Variants in GRIN2B observed in about 807,000 individuals in gnomAD.
GRIN2B encodes glutamate receptor ionotropic, NMDA 2B.
In GRIN2B, 5 loss-of-function variants were observed where a neutral mutation model predicts 114.5. The observed-to-expected ratio is 0.04, with a 90% confidence interval of 0.02 to 0.09. GRIN2B has a LOEUF of 0.09. GRIN2B is among the 10% of genes least tolerant of loss of function. The pLI, the probability that GRIN2B is intolerant of heterozygous loss-of-function variation, is 1.00. For synonymous variants in GRIN2B, 787 were observed against 745.1 expected (o/e 1.06, Z -0.92); for missense variants, 1,108 against 1,943.5 (o/e 0.57, Z 8.08).
At chr12:13,735,404 T>C (rs7136868) in intron 4 of GRIN2B, among the ~76,000 whole-genome samples, 1 of 152,188 alleles carries the variant, frequency 6.6e-6, no homozygotes, top group Non-Finnish European at 1.5e-5. Flanking sequence ...TTGAAATTGA[T>C]GTCTGGTCAA....
At chr12:13,582,427 C>T (rs7968084) in intron 10 of GRIN2B, among the ~76,000 whole-genome samples, 151,291 of 152,320 alleles carry the variant, frequency 0.99, 75,141 homozygotes, top group Middle Eastern at 1. Context: ...ATGAATCTGA[C>T]GACATTTTGC....
rs746234097 is a variant in GRIN2B at position 13,608,880 on chromosome 12, T to A, written c.1781-48A>T. The stretch of plus-strand genomic sequence containing the variant: ...ACGAAAGTTAAGCCATTGTGGCTGG[T>A]TCTGTTGAAACCTACAAATACACAG... On this transcript the variant is annotated intron_variant, in intron 9 of 13. Transcript: ENST00000609686. 2.5e-5 allele frequency: 35 copies of A among 1,396,226 alleles called. No individual in the cohort carries two copies. The East Asian group carries it at 8.0e-4, about 32-fold the overall frequency. 86.5% of individuals were successfully genotyped at this position (1,396,226 alleles called of 1,614,324 possible).
intron 3 of GRIN2B, among the ~76,000 whole-genome samples, chr12:13,859,023 G>A (rs1296421315): frequency 2.0e-5 from 3 of 152,202 alleles, no homozygotes; most frequent in African/African-American, 7.2e-5. Flanking sequence ...GAGAATGCAA[G>A]ATGGCATATA....
chr12:13,779,129 C>T (rs1468888542), intron 3 of GRIN2B, among the ~76,000 whole-genome samples: 4 of 152,154 alleles, frequency 2.6e-5, no homozygotes, highest in Non-Finnish European at 4.4e-5. Flanking sequence ...CTGCAACCTC[C>T]GCCTCCTGGC....
chr12:13,971,761 C>T (rs982195430), intron 2 of GRIN2B, among the ~76,000 whole-genome samples: 1 of 152,162 alleles, frequency 6.6e-6, no homozygotes, highest in Non-Finnish European at 1.5e-5. Flanking sequence ...AAACCAAGAA[C>T]TGCTCGCCCT....
chr12:13,916,519 T>C (rs964481060), intron 2 of GRIN2B, among the ~76,000 whole-genome samples: 1 of 151,848 alleles, frequency 6.6e-6, no homozygotes. Context: ...TAAGAAAAAG[T>C]TGGGAATGGA....
chr12:13,907,589 G>T (rs1216183975), intron 2 of GRIN2B, among the ~76,000 whole-genome samples: 6 of 151,982 alleles, frequency 3.9e-5, no homozygotes, highest in Non-Finnish European at 8.8e-5. Context: ...ATCTCAGGTT[G>T]ACAGAAGTCT....
chr12:13,836,059 T>G (rs989795133), intron 3 of GRIN2B, among the ~76,000 whole-genome samples: 2 of 152,244 alleles, frequency 1.3e-5, no homozygotes, highest in Non-Finnish European at 2.9e-5. Flanking sequence ...AGTCCTGAAC[T>G]GGATCTTTTC....
chr12:13,611,884 G>C (rs201967711), intron 8 of GRIN2B, 34 bp from the exon 9 acceptor site: 1 of 1,608,182 alleles, frequency 6.2e-7, no homozygotes, highest in Non-Finnish European at 8.5e-7. Flanking sequence ...CTCAGGGTTA[G>C]AACAGAGAGC....
In GRIN2B at chr12:13,562,809, G is replaced by C. The variant is rs1388986519; in HGVS notation, c.4429C>G (p.Leu1477Val). Residue 1477 changes from leucine to valine, a missense_variant, in exon 14 of 14, where the codon CTT becomes GTT. By Grantham distance (32) the Leu-to-Val change is conservative. Around this residue, in one of 19 missense-constraint regions of GRIN2B, gnomAD observed 478 missense variants for 506.0 expected, o/e 0.94. Transcript: ENST00000609686. ...CAGACATCAGACTCAATACTAGAAA[G>C]TTTCTCATAAACATGCCCATTGCTG... ...GSSNGHVYEKLSSIESDV is the reference protein window; with the variant it reads ...GSSNGHVYEKVSSIESDV 4 of 1,613,992 alleles carry C rather than the reference G, an allele frequency of 2.5e-6. No individual in the cohort carries two copies. Among genetic ancestry groups the C allele is most frequent in the Non-Finnish European group, 3.4e-6 (4 of 1,179,976 alleles).
intron 4 of GRIN2B, among the ~76,000 whole-genome samples, chr12:13,729,659 A>G (rs1476679064): frequency 1.3e-5 from 2 of 152,160 alleles, no homozygotes; most frequent in African/African-American, 4.8e-5. Flanking sequence ...GAGAACTTCC[A>G]GAAAAGAAAT....
At chr12:13,566,415 G>T (rs149258643) in intron 13 of GRIN2B, among the ~76,000 whole-genome samples, 1 of 152,128 alleles carries the variant, frequency 6.6e-6, no homozygotes, top group Non-Finnish European at 1.5e-5. Flanking sequence ...TCTTCCTAGT[G>T]TCTCATTTTA....
intron 2 of GRIN2B, among the ~76,000 whole-genome samples, chr12:13,892,498 A>C (rs921507671): frequency 6.6e-6 from 1 of 152,198 alleles, no homozygotes; most frequent in Non-Finnish European, 1.5e-5. Context: ...TAAGTGATCC[A>C]GGGGGCCAGT....
intron 2 of GRIN2B, among the ~76,000 whole-genome samples, chr12:13,931,762 G>GCATAGTCAT (rs1457593656): frequency 2.0e-5 from 3 of 152,156 alleles, no homozygotes; most frequent in Non-Finnish European, 4.4e-5. Context: ...TTATGCAACT[G>GCATAGTCAT]CATAGTCATC....
chr12:13,611,690 A>T (rs535381128), intron 9 of GRIN2B, 35 bp downstream of exon 9: 1 of 1,608,652 alleles, frequency 6.2e-7, no homozygotes, highest in Non-Finnish European at 8.5e-7. Context: ...AGGAGAAAAA[A>T]ACTGGGGAAG....
intron 2 of GRIN2B, among the ~76,000 whole-genome samples, chr12:13,869,164 G>A (rs11055654): frequency 0.11 from 16,010 of 151,520 alleles, 963 homozygotes; most frequent in South Asian, 0.17. Context: ...TAACCTCCTT[G>A]TGAGCAGGGA....
At chr12:13,741,188 C>G (rs997687741) in intron 4 of GRIN2B, among the ~76,000 whole-genome samples, 1 of 152,132 alleles carries the variant, frequency 6.6e-6, no homozygotes, top group African/African-American at 2.4e-5. Context: ...CGCCACCACG[C>G]CCGGCTAATT....
At chr12:13,787,711 T>G (rs1336274526) in intron 3 of GRIN2B, among the ~76,000 whole-genome samples, 1 of 152,262 alleles carries the variant, frequency 6.6e-6, no homozygotes, top group African/African-American at 2.4e-5. Context: ...GAGACAATTG[T>G]GAAGATACAA....
intron 4 of GRIN2B, among the ~76,000 whole-genome samples, chr12:13,709,600 C>A (rs10772704): frequency 0.74 from 112,365 of 151,888 alleles, 42,249 homozygotes; most frequent in African/African-American, 0.86. Context: ...AGTTAACTTA[C>A]AGGTAACAAG....
Sources: allele counts gnomAD v4.1 joint callset (sites outside exome capture counted in the v4.1 genomes callset), GRCh38; gene constraint gnomAD v4.1.1; regional missense constraint gnomAD v4.1.1; transcripts MANE v1.5; gene names NCBI Gene and HGNC (gene_info 2026-07-23, HGNC 2026-07-21).